The following AAK1 variants were observed in gnomAD, a reference collection of about 807,000 sequenced individuals.
AAK1 encodes AP2 associated kinase 1.
Under a neutral mutation model 116.0 loss-of-function variants are expected in AAK1, and 37 were observed. That is an observed-to-expected ratio of 0.32 (90% confidence interval 0.25 to 0.42). The LOEUF (loss-of-function observed/expected upper bound fraction) is 0.42. AAK1 is among the 10% of genes least tolerant of loss of function. The pLI is 1.00. For synonymous variants in AAK1, 458 were observed against 439.9 expected (o/e 1.04, Z -0.51); for missense variants, 919 against 1,170.6 (o/e 0.79, Z 3.14).
At chr2:69,500,696 T>TACACACACACACACAC (rs1433743875) in intron 16 of AAK1, among the ~76,000 whole-genome samples, 1 of 99,400 alleles carries the variant, frequency 1.0e-5, no homozygotes, top group African/African-American at 5.2e-5. Flanking sequence ...TATATATATA[T>TACACACACACACACAC]ATACACACAC....
At chr2:69,509,143 A>T in intron 14 of AAK1, 88 bp downstream of exon 14, 1 of 1,105,368 alleles carries the variant, frequency 9.0e-7, no homozygotes, top group African/African-American at 1.5e-5. Flanking sequence ...ACACACATCT[A>T]CACACTTATG....
At chr2:69,624,306 T>C (rs1205461742) in intron 2 of AAK1, among the ~76,000 whole-genome samples, 3 of 152,162 alleles carry the variant, frequency 2.0e-5, no homozygotes, top group Non-Finnish European at 4.4e-5. Context: ...GTAATATCTA[T>C]AAAATAACAT....
At chr2:69,523,970 C>T (rs868628566) in intron 10 of AAK1, among the ~76,000 whole-genome samples, 3 of 152,246 alleles carry the variant, frequency 2.0e-5, no homozygotes, top group Admixed American at 6.5e-5. Context: ...CCCAGCCTTT[C>T]CTGGCTCCCT....
chr2:69,636,287 T>G (rs538364593), intron 2 of AAK1, among the ~76,000 whole-genome samples: 6 of 152,300 alleles, frequency 3.9e-5, no homozygotes, highest in Admixed American at 2.0e-4. Context: ...GGCATACTCT[T>G]CATACATAGT....
At chr2:69,496,277 T>G (rs1178395482) in intron 16 of AAK1, among the ~76,000 whole-genome samples, 197 bp from the exon 17 acceptor site, 1 of 151,734 alleles carries the variant, frequency 6.6e-6, no homozygotes, top group African/African-American at 2.4e-5. Flanking sequence ...TGGCCCGTTT[T>G]TTTTTTTTTT....
At chr2:69,547,951 G>A (rs968709912) in intron 3 of AAK1, among the ~76,000 whole-genome samples, 14 of 152,290 alleles carry the variant, frequency 9.2e-5, no homozygotes, top group African/African-American at 3.4e-4. Context: ...TCAAGGACAT[G>A]TTTTTAAGGA....
rs577451149 is a variant in AAK1, at chr2:69,548,520, T to C, written c.283-3976A>G. 3.3e-4 allele frequency among the ~76,000 whole-genome samples: 50 copies of C among 151,810 alleles called. 1 individual carries two copies. Among genetic ancestry groups the C allele is most frequent in the African/African-American group, 9.9e-4 (41 of 41,398 alleles). On this transcript the variant is annotated intron_variant, in intron 3 of 21. Coordinates refer to ENST00000409085, the MANE Select transcript of AAK1 (RefSeq NM_014911.5). ...TCTCCTTCCTTTCTCTCTTTCTTCC[T>C]TCCTTCTTTCTCTCTCTCTTCCTTC...
At chr2:69,611,266 T>G (rs1037081948) in intron 2 of AAK1, among the ~76,000 whole-genome samples, 1 of 152,220 alleles carries the variant, frequency 6.6e-6, no homozygotes, top group African/African-American at 2.4e-5. Context: ...CTTCTCGCTC[T>G]CTCTCTCTTC....
rs748345299 is a variant in AAK1, at chr2:69,461,738, C to T, written c.*14131G>A. 1.2e-5 allele frequency: 4 copies of T among 344,078 alleles called. No individual in the cohort carries two copies. The highest frequency in any genetic ancestry group is 8.4e-5 in the South Asian group (4 of 47,774). 21.3% of individuals were successfully genotyped at this position (344,078 alleles called of 1,614,324 possible). ...TCCCTAGTAACTGGGACTACAGGTG[C>T]GTGCCATCACGCCCAGCTACTTTTT... is the stretch of plus-strand genomic sequence containing the variant. On this transcript the variant is annotated 3_prime_UTR_variant, in exon 22 of 22. Transcript: ENST00000409085.
Position 69,465,957 on chromosome 2 carries a change from A to C in AAK1, c.*9912T>G. 1 of 1,290,738 alleles carries C rather than the reference A, an allele frequency of 7.7e-7. No homozygotes were observed. Among genetic ancestry groups the C allele is most frequent in the Non-Finnish European group, 1.0e-6 (1 of 988,828 alleles). The allele number at this position is 1,290,738 out of a possible 1,614,324, so 80.0% of individuals were successfully genotyped here. ...CTGGGAGGTGCATTGGATAACTGTT[A>C]ACTCCTCCATGCTTTTCTTCTTAGT... is the stretch of plus-strand genomic sequence containing the variant. On this transcript the variant is annotated 3_prime_UTR_variant, in exon 22 of 22. Transcript: ENST00000409085.
Position 69,471,118 on chromosome 2 carries a change from A to G in AAK1, c.*4751T>C, listed in dbSNP as rs564567020. ...AGACCTATGATAAACACACATCCACATGACAAAGGAGAGTGCAATAGGGCA... is the reference window on the plus strand; with the variant it reads ...AGACCTATGATAAACACACATCCACGTGACAAAGGAGAGTGCAATAGGGCA... On this transcript the variant is annotated 3_prime_UTR_variant, in exon 22 of 22. Transcript: ENST00000409085. 2.0e-6 allele frequency: 2 copies of G among 985,784 alleles called. No individual in the cohort carries two copies. Among genetic ancestry groups the G allele is most frequent in the South Asian group, 4.7e-5 (1 of 21,292 alleles). The allele number at this position is 985,784 out of a possible 1,614,324, so 61.1% of individuals were successfully genotyped here.
At chr2:69,516,598 A>G (rs1222400713) in intron 12 of AAK1, among the ~76,000 whole-genome samples, 1 of 152,172 alleles carries the variant, frequency 6.6e-6, no homozygotes, top group Non-Finnish European at 1.5e-5. Context: ...GCATGATCCT[A>G]GAGGGCAGCA....
intron 21 of AAK1, among the ~76,000 whole-genome samples, chr2:69,476,231 G>A (rs1674852337): frequency 6.6e-6 from 1 of 152,080 alleles, no homozygotes; most frequent in South Asian, 2.1e-4. Flanking sequence ...TGCAAAGAGG[G>A]CACTATTTTC....
Position 69,467,451 on chromosome 2 carries a change from T to C in AAK1, c.*8418A>G, listed in dbSNP as rs538817955. 8 of 985,408 alleles carry C rather than the reference T, an allele frequency of 8.1e-6. No individual in the cohort carries two copies. Among genetic ancestry groups the C allele is most frequent in the East Asian group, 2.3e-4 (2 of 8,822 alleles). The allele number at this position is 985,408 out of a possible 1,614,324, so 61.0% of individuals were successfully genotyped here. A position where few individuals can be genotyped will look rare whatever the true frequency, so the allele number is the denominator to read the frequency against. On this transcript the variant is annotated 3_prime_UTR_variant, in exon 22 of 22. Transcript: ENST00000409085. ...ATATTAGCAGGTTAGAAGTATGTCA[T>C]TGGGCACATGTTAGCAAGAGGGCAG...
At chr2:69,516,653 A>G (rs985617957) in intron 12 of AAK1, 1 of 152,222 alleles carries the variant, frequency 6.6e-6, no homozygotes, top group East Asian at 1.9e-4. Context: ...CTGGAGTTAC[A>G]TTCAAAGGAT....
At chr2:69,635,564 A>G (rs998656872) in intron 2 of AAK1, among the ~76,000 whole-genome samples, 1 of 152,240 alleles carries the variant, frequency 6.6e-6, no homozygotes, top group African/African-American at 2.4e-5. Flanking sequence ...CTGATGAATG[A>G]TACATGTGGC....
At chr2:69,594,001 C>T (rs981549621) in intron 2 of AAK1, among the ~76,000 whole-genome samples, 9 of 152,098 alleles carry the variant, frequency 5.9e-5, no homozygotes, top group East Asian at 1.9e-4. Flanking sequence ...GCTTTTAATT[C>T]AACAGTAAAT....
At chr2:69,518,157 TA>T (rs1676659509) in intron 12 of AAK1, among the ~76,000 whole-genome samples, 1 of 152,110 alleles carries the variant, frequency 6.6e-6, no homozygotes, top group South Asian at 2.1e-4. Flanking sequence ...ATAAAATGAA[TA>T]CATTCATAGT....
At chr2:69,615,850 A>T (rs560402990) in intron 2 of AAK1, among the ~76,000 whole-genome samples, 2 of 152,390 alleles carry the variant, frequency 1.3e-5, no homozygotes, top group East Asian at 3.9e-4. Context: ...TGCTTTCAAC[A>T]GTGCCCTCAT....
Sources: gnomAD v4.1 joint callset for allele counts (sites outside exome capture counted in the v4.1 genomes callset) on GRCh38, gnomAD v4.1.1 for gene constraint, MANE v1.5 for transcripts, NCBI Gene and HGNC (gene_info 2026-07-23, HGNC 2026-07-21) for gene names.